Variants in TTLL5 observed in about 807,000 individuals in gnomAD.
The protein encoded by TTLL5 is tubulin tyrosine ligase like 5.
Under a neutral mutation model 168.4 loss-of-function variants are expected in TTLL5, and 132 were observed. That is an observed-to-expected ratio of 0.78 (90% CI 0.68 to 0.91). The LOEUF is 0.91. Among genes scored for constraint, TTLL5 ranks in the 40% least tolerant of loss-of-function variants. The pLI is 0.00. For missense variants in TTLL5, 1,545 were observed against 1,581.5 expected (o/e 0.98, Z 0.39); for synonymous variants, 546 against 558.6 (o/e 0.98, Z 0.32).
At chr14:75,719,469 A>C (rs1426632347) in intron 10 of TTLL5, among the ~76,000 whole-genome samples, 1 of 152,154 alleles carries the variant, frequency 6.6e-6, no homozygotes, top group African/African-American at 2.4e-5. Context: ...TTCTTGATGC[A>C]TAATTGTTTG....
At chr14:75,664,497 A>G (rs1883107416) in intron 2 of TTLL5, among the ~76,000 whole-genome samples, 1 of 152,344 alleles carries the variant, frequency 6.6e-6, no homozygotes, top group Non-Finnish European at 1.5e-5. Flanking sequence ...ATGTGAAATT[A>G]CTTTGTAAGT....
intron 31 of TTLL5, among the ~76,000 whole-genome samples, chr14:75,928,078 T>G (rs1456157745): frequency 6.6e-6 from 1 of 151,956 alleles, no homozygotes; most frequent in Non-Finnish European, 1.5e-5. Context: ...GCTCTTGGTG[T>G]TCGTTTCCAT....
At chr14:75,857,569 T>TTTTTAG (rs2139919028) in intron 28 of TTLL5, among the ~76,000 whole-genome samples, 1 of 149,694 alleles carries the variant, frequency 6.7e-6, no homozygotes, top group Non-Finnish European at 1.5e-5. Context: ...AGTTGGGAAG[T>TTTTTAG]TTTTTTTTTC....
At chr14:75,863,639 T>C in intron 28 of TTLL5, 28 bp from the exon 29 acceptor site, 2 of 1,577,562 alleles carry the variant, frequency 1.3e-6, no homozygotes, top group African/African-American at 1.4e-5. Flanking sequence ...CCACTCACTC[T>C]AAGAAACCTG....
intron 31 of TTLL5, among the ~76,000 whole-genome samples, chr14:75,934,437 C>T (rs1199662739): frequency 6.6e-6 from 1 of 152,198 alleles, no homozygotes; most frequent in Non-Finnish European, 1.5e-5. Context: ...AATCTATAAG[C>T]TATACTCTCA....
At chr14:75,710,042 C>G (rs1294044686) in intron 9 of TTLL5, 1 of 152,016 alleles carries the variant, frequency 6.6e-6, no homozygotes, top group African/African-American at 2.4e-5. Context: ...CTTCACTTCT[C>G]TCCTGTGTCA....
intron 6 of TTLL5, 61 bp downstream of exon 6, chr14:75,690,383 C>G: frequency 6.5e-7 from 1 of 1,533,616 alleles, no homozygotes; most frequent in East Asian, 2.3e-5. Flanking sequence ...ATATTTACCC[C>G]AAAAGCCTCC....
chr14:75,807,716 G>A (rs771683738), intron 27 of TTLL5, among the ~76,000 whole-genome samples: 11 of 152,206 alleles, frequency 7.2e-5, no homozygotes, highest in Non-Finnish European at 1.3e-4. Context: ...TTACCTCAGT[G>A]TTTTTCTGTC....
chr14:75,683,776 CTTTTTT>C, intron 5 of TTLL5, 120 bp downstream of exon 5: 1 of 487,010 alleles, frequency 2.1e-6, no homozygotes, highest in South Asian at 2.2e-5. Context: ...AGAAGAAGGA[CTTTTTT>C]TTTTTTTTTT....
intron 6 of TTLL5, 125 bp downstream of exon 6, chr14:75,690,447 T>C (rs1885367741): frequency 4.1e-6 from 5 of 1,213,574 alleles, no homozygotes; most frequent in African/African-American, 3.1e-5. Context: ...TGTGACTCTT[T>C]AGTAAAACAG....
intron 6 of TTLL5, among the ~76,000 whole-genome samples, chr14:75,696,450 C>A (rs933221863): frequency 2.0e-5 from 3 of 152,084 alleles, no homozygotes; most frequent in Non-Finnish European, 2.9e-5. Flanking sequence ...TAGCCTCTTG[C>A]TCAGGCATTC....
At chr14:75,783,053 A>C in intron 25 of TTLL5, 94 bp from the exon 26 acceptor site, 7 of 1,276,512 alleles carry the variant, frequency 5.5e-6, no homozygotes, top group Non-Finnish European at 7.4e-6. Flanking sequence ...TGCCAAGATT[A>C]TTGTGATGTT....
At chr14:75,952,457 TC>T (rs1228551895) in intron 31 of TTLL5, among the ~76,000 whole-genome samples, 1 of 152,238 alleles carries the variant, frequency 6.6e-6, no homozygotes, top group Admixed American at 6.5e-5. Flanking sequence ...GTTTGACAGT[TC>T]CTTAAACAGT....
At chr14:75,805,833 A>G (rs1398949576) in intron 27 of TTLL5, among the ~76,000 whole-genome samples, 1 of 152,060 alleles carries the variant, frequency 6.6e-6, no homozygotes, top group Admixed American at 6.6e-5. Context: ...GCCTCTCTTC[A>G]CTTCCTCATT....
intron 2 of TTLL5, among the ~76,000 whole-genome samples, chr14:75,663,920 C>T (rs1318551609): frequency 1.3e-5 from 2 of 152,010 alleles, no homozygotes; most frequent in African/African-American, 4.8e-5. Flanking sequence ...CCCATCTCTA[C>T]TAAAAAAACA....
intron 28 of TTLL5, among the ~76,000 whole-genome samples, chr14:75,831,862 C>A (rs1895588547): frequency 6.6e-6 from 1 of 152,142 alleles, no homozygotes; most frequent in Non-Finnish European, 1.5e-5. Flanking sequence ...CTAAACACAA[C>A]CCTTTTGGCT....
intron 9 of TTLL5, chr14:75,711,701 C>T (rs1325563727): frequency 6.6e-6 from 1 of 152,120 alleles, no homozygotes; most frequent in Non-Finnish European, 1.5e-5. Context: ...CTTTTTTCTG[C>T]CTCAGCCATA....
At chr14:75,879,001 T>C (rs1014515986) in intron 29 of TTLL5, among the ~76,000 whole-genome samples, 1 of 152,086 alleles carries the variant, frequency 6.6e-6, no homozygotes, top group Non-Finnish European at 1.5e-5. Context: ...AAAAAAAAGA[T>C]GAATAGTTGG....
At chr14:75,709,574 G>C (rs929373824) in intron 9 of TTLL5, 2 of 217,264 alleles carry the variant, frequency 9.2e-6, no homozygotes, top group East Asian at 2.1e-4. Flanking sequence ...GGCTGGACCA[G>C]GCATCTGAAC....
Sources: allele counts gnomAD v4.1 joint callset (sites outside exome capture counted in the v4.1 genomes callset), GRCh38; gene constraint gnomAD v4.1.1; transcripts MANE v1.5; gene names NCBI Gene and HGNC (gene_info 2026-07-23, HGNC 2026-07-21).